Variants in ANKHD1 observed in about 807,000 individuals in gnomAD.
The protein encoded by ANKHD1 is ankyrin repeat and KH domain containing 1.
Under a neutral mutation model 230.5 loss-of-function variants are expected in ANKHD1, and 31 were observed. The observed-to-expected ratio is 0.13, with a 90% CI of 0.10 to 0.18. The LOEUF is 0.18. Among genes scored for constraint, ANKHD1 ranks in the 10% least tolerant of loss-of-function variants. The pLI is 1.00. For missense variants in ANKHD1, 2,256 were observed against 3,071.3 expected (o/e 0.73, Z 6.27); for synonymous variants, 1,074 against 1,117.6 (o/e 0.96, Z 0.78).
Position 140,447,210 on chromosome 5 carries a change from T to A in ANKHD1, c.1147+1235T>A, listed in dbSNP as rs984167681. On this transcript the variant is annotated intron_variant, in intron 6 of 33. Transcript: ENST00000360839. ...GAACCACCGTGCCTGGCCTATTTTTTATTATTTTTAGAGACAGGGTTTTGC... is the reference window on the plus strand; with the variant it reads ...GAACCACCGTGCCTGGCCTATTTTTAATTATTTTTAGAGACAGGGTTTTGC... 3.0e-4 allele frequency among the ~76,000 whole-genome samples: 46 copies of A among 151,324 alleles called. 1 individual carries two copies. Among genetic ancestry groups the A allele is most frequent in the Admixed American group, 3.0e-3 (46 of 15,176 alleles).
intron 15 of ANKHD1, among the ~76,000 whole-genome samples, chr5:140,501,185 C>T (rs1231969279): frequency 1.3e-5 from 2 of 151,566 alleles, no homozygotes; most frequent in South Asian, 2.1e-4. Context: ...AAGCGATTCC[C>T]CTTGCCTCAG....
Position 140,458,720 on chromosome 5 carries a change from C to T in ANKHD1, c.1338C>T (p.Ala446=), listed in dbSNP as rs940140530. Residue 446 remains alanine, a synonymous_variant, in exon 8 of 34, where the codon GCC becomes GCT. Coordinates refer to ENST00000360839, the MANE Select transcript of ANKHD1 (RefSeq NM_017747.3). ...TTGAATCTCCATTGACGCTAGCTGC[C>T]TGTGGAGGACATGTTGAATTGGCAG... ...DSFESPLTLA[A]CGGHVELAAL... is the part of the protein sequence containing the mutation. The T allele has an allele frequency of 6.2e-7, 1 of 1,613,334 alleles. No homozygotes were observed. Among genetic ancestry groups the T allele is most frequent in the Non-Finnish European group, 8.5e-7 (1 of 1,179,806 alleles).
intron 10 of ANKHD1, among the ~76,000 whole-genome samples, chr5:140,478,528 C>G (rs1357166235): frequency 6.6e-6 from 1 of 151,732 alleles, no homozygotes; most frequent in Non-Finnish European, 1.5e-5. Context: ...AAAATTGACT[C>G]TAGAATAGGA....
At chr5:140,420,699 T>C (rs1771906073) in intron 1 of ANKHD1, among the ~76,000 whole-genome samples, 1 of 152,252 alleles carries the variant, frequency 6.6e-6, no homozygotes, top group Admixed American at 6.5e-5. Flanking sequence ...TATGTCTCCC[T>C]ATGCCAGTTC....
At chr5:140,419,421 C>T (rs1379847978) in intron 1 of ANKHD1, among the ~76,000 whole-genome samples, 1 of 150,190 alleles carries the variant, frequency 6.7e-6, no homozygotes, top group Non-Finnish European at 1.5e-5. Flanking sequence ...ATATTTTCTC[C>T]CATTCTGTGA....
intron 5 of ANKHD1, among the ~76,000 whole-genome samples, chr5:140,442,302 C>T (rs1381328676): frequency 1.3e-5 from 2 of 152,106 alleles, no homozygotes; most frequent in East Asian, 3.9e-4. Context: ...CCTCAGCCTC[C>T]CAAAGTGCTG....
intron 24 of ANKHD1, among the ~76,000 whole-genome samples, chr5:140,523,476 AT>A (rs544922776): frequency 0.022 from 3,215 of 145,552 alleles, 116 homozygotes; most frequent in African/African-American, 0.076. Context: ...GAGTTGTAAG[AT>A]TTTTTTTTTA....
chr5:140,518,426 T>A (rs1428546642), intron 24 of ANKHD1, among the ~76,000 whole-genome samples: 3 of 151,832 alleles, frequency 2.0e-5, no homozygotes, highest in Admixed American at 6.6e-5. Context: ...GAATCCTCCC[T>A]AACTCATTTT....
At chr5:140,512,237 C>CAA (rs61129594) in intron 22 of ANKHD1, among the ~76,000 whole-genome samples, 25 of 87,972 alleles carry the variant, frequency 2.8e-4, no homozygotes, top group Admixed American at 2.0e-3. Flanking sequence ...ACTCCCATCT[C>CAA]AAAAAAAAAA....
intron 26 of ANKHD1, among the ~76,000 whole-genome samples, chr5:140,526,718 T>A (rs534436820): frequency 6.6e-6 from 1 of 152,316 alleles, no homozygotes; most frequent in South Asian, 2.1e-4. Context: ...TTATTGATTA[T>A]AGTCTAATTT....
chr5:140,499,046 A>G (rs1752161559), intron 15 of ANKHD1, among the ~76,000 whole-genome samples: 1 of 152,090 alleles, frequency 6.6e-6, no homozygotes, highest in Admixed American at 6.5e-5. Flanking sequence ...AGACATTAAT[A>G]CCTACCACAT....
intron 14 of ANKHD1, among the ~76,000 whole-genome samples, chr5:140,494,634 T>C (rs1408119189): frequency 1.3e-5 from 2 of 152,206 alleles, no homozygotes; most frequent in Non-Finnish European, 2.9e-5. Flanking sequence ...CCTGCAGTTT[T>C]GAGATCTCTA....
chr5:140,531,088 A>C (rs1379524163), intron 29 of ANKHD1, among the ~76,000 whole-genome samples: 1 of 152,230 alleles, frequency 6.6e-6, no homozygotes, highest in Non-Finnish European at 1.5e-5. Context: ...GGGGAAAGTA[A>C]TATAGACTTT....
At chr5:140,497,769 A>G (rs1263758124) in intron 15 of ANKHD1, among the ~76,000 whole-genome samples, 1 of 152,062 alleles carries the variant, frequency 6.6e-6, no homozygotes, top group Admixed American at 6.6e-5. Context: ...CCATATTATA[A>G]TATTTGTGGT....
In ANKHD1 at chr5:140,445,700, T is replaced by C. The variant is rs373614780; in HGVS notation, c.914-42T>C. On this transcript the variant is annotated intron_variant, in intron 5 of 33. Transcript: ENST00000360839. ...TTTATTTATTTTTATTTTTTAAATA[T>C]ATATTCTGCTCATGTATTATATTTC... 2.5e-5 allele frequency: 35 copies of C among 1,411,346 alleles called. No individual in the cohort carries two copies. The African/African-American group carries it at 4.5e-4, about 18-fold the overall frequency. The allele number at this position is 1,411,346 out of a possible 1,614,324, so 87.4% of individuals were successfully genotyped here.
At chr5:140,440,912 C>T in intron 4 of ANKHD1, 83 bp from the exon 5 acceptor site, 1 of 1,356,614 alleles carries the variant, frequency 7.4e-7, no homozygotes, top group Admixed American at 3.1e-5. Flanking sequence ...AGAAGAATAT[C>T]TTCAGAGATT....
chr5:140,442,244 A>G (rs1773914840), intron 5 of ANKHD1, among the ~76,000 whole-genome samples: 1 of 151,458 alleles, frequency 6.6e-6, no homozygotes. Flanking sequence ...GGGTTTCACC[A>G]TGTTGGCCAG....
chr5:140,454,866 G>A (rs909779514), intron 7 of ANKHD1, among the ~76,000 whole-genome samples: 4 of 152,052 alleles, frequency 2.6e-5, no homozygotes, highest in African/African-American at 4.8e-5. Flanking sequence ...TAAGATCAGA[G>A]CAGAACTAAA....
chr5:140,505,044 G>T, intron 16 of ANKHD1, 78 bp downstream of exon 16: 1 of 1,603,186 alleles, frequency 6.2e-7, no homozygotes, highest in Non-Finnish European at 8.5e-7. Context: ...TGCATTTATT[G>T]TGAAAAGAAA....
Sources: gnomAD v4.1 joint callset for allele counts (sites outside exome capture counted in the v4.1 genomes callset) on GRCh38, gnomAD v4.1.1 for gene constraint, MANE v1.5 for transcripts, NCBI Gene and HGNC (gene_info 2026-07-23, HGNC 2026-07-21) for gene names.